DUSP22: variants seen among roughly 807,000 people sequenced by gnomAD.
DUSP22 encodes the protein dual specificity phosphatase 22.
In DUSP22, 24 loss-of-function variants were observed where a neutral mutation model predicts 24.5. That is an observed-to-expected ratio of 0.98 (90% confidence interval 0.71 to 1.38). The LOEUF (loss-of-function observed/expected upper bound fraction) is 1.38. Ranked by LOEUF, DUSP22 falls within the 40% of genes most tolerant of loss-of-function variation. The pLI, the probability that DUSP22 is intolerant of heterozygous loss-of-function variation, is 0.00. For missense variants in DUSP22, 330 were observed against 269.2 expected (o/e 1.23, Z -1.58); for synonymous variants, 160 against 106.4 (o/e 1.50, Z -3.10).
intron 4 of DUSP22, among the ~76,000 whole-genome samples, chr6:341,522 C>T (rs560770032): frequency 2.4e-4 from 37 of 152,416 alleles, no homozygotes; most frequent in African/African-American, 8.9e-4. Context: ...TCGCCTGCCT[C>T]TGGGCTTTTC....
chr6:321,605 G>A (rs560389356), intron 3 of DUSP22, among the ~76,000 whole-genome samples: 42 of 152,374 alleles, frequency 2.8e-4, no homozygotes, highest in Middle Eastern at 6.8e-3. Context: ...AATGAAAGAA[G>A]GGGAAAGATT....
At position 349,704 on chromosome 6, in the gene DUSP22, T is replaced by C. The variant is rs1760092236; in HGVS notation, c.*753T>C. On this transcript the variant is annotated 3_prime_UTR_variant, in exon 7 of 7. Transcript: ENST00000419235. ...CAGCATTTAAGGGAAGTATCTTAGATTGCCTCCATCTCAATGTGAATGCAC... is the reference window on the plus strand; with the variant it reads ...CAGCATTTAAGGGAAGTATCTTAGACTGCCTCCATCTCAATGTGAATGCAC... 2.0e-6 allele frequency: 2 copies of C among 985,946 alleles called. No individual in the cohort carries two copies. The highest frequency in any genetic ancestry group is 1.7e-5 in the African/African-American group (1 of 57,280). The allele number at this position is 985,946 out of a possible 1,614,324, so 61.1% of individuals were successfully genotyped here.
At chr6:341,273 T>C (rs1759595151) in intron 4 of DUSP22, among the ~76,000 whole-genome samples, 1 of 152,308 alleles carries the variant, frequency 6.6e-6, no homozygotes. Flanking sequence ...AAAGGTGAAC[T>C]GCCGATGAAA....
intron 3 of DUSP22, among the ~76,000 whole-genome samples, chr6:320,828 G>C (rs1758552701): frequency 6.6e-6 from 1 of 152,414 alleles, no homozygotes; most frequent in Admixed American, 6.5e-5. Flanking sequence ...GGTGAGGGTG[G>C]TGCTGTCTTC....
At chr6:300,796 G>C (rs1315178349) in intron 1 of DUSP22, among the ~76,000 whole-genome samples, 2 of 152,310 alleles carry the variant, frequency 1.3e-5, no homozygotes, top group African/African-American at 4.8e-5. Context: ...CAGGGTCCTT[G>C]GCTGTAAGCA....
intron 4 of DUSP22, among the ~76,000 whole-genome samples, chr6:344,941 C>G (rs1340205410): frequency 6.6e-6 from 1 of 152,304 alleles, no homozygotes; most frequent in Non-Finnish European, 1.5e-5. Context: ...GTGAGGGTTC[C>G]TGCTGTGCTG....
intron 2 of DUSP22, among the ~76,000 whole-genome samples, chr6:308,278 C>T (rs2127395437): frequency 6.6e-6 from 1 of 152,422 alleles, no homozygotes; most frequent in East Asian, 1.9e-4. Flanking sequence ...TGTCTGTGCA[C>T]ATTAGGAAAC....
chr6:316,220 A>T (rs1423481290), intron 3 of DUSP22, among the ~76,000 whole-genome samples: 3 of 152,302 alleles, frequency 2.0e-5, no homozygotes, highest in Non-Finnish European at 4.4e-5. Flanking sequence ...GGCTGGAACC[A>T]AGGCCTTCTC....
Position 350,524 on chromosome 6 carries a change from G to A in DUSP22, c.*1573G>A. 7.5e-7 allele frequency: 1 copy of A among 1,325,648 alleles called. No homozygotes were observed. The highest frequency in any genetic ancestry group is 2.9e-4 in the Middle Eastern group (1 of 3,438). 82.1% of individuals were successfully genotyped at this position (1,325,648 alleles called of 1,614,324 possible). A position where few individuals can be genotyped will look rare whatever the true frequency, so the allele number is the denominator to read the frequency against. ...CATATAGAGGGTGTGTCAAAGGTGAGCTTTTTGGGGACCGGGAAAAACAAA... is the reference window on the plus strand; with the variant it reads ...CATATAGAGGGTGTGTCAAAGGTGAACTTTTTGGGGACCGGGAAAAACAAA... On this transcript the variant is annotated 3_prime_UTR_variant, in exon 7 of 7. Transcript: ENST00000419235.
intron 4 of DUSP22, among the ~76,000 whole-genome samples, chr6:343,514 T>C (rs1332573792): frequency 6.6e-6 from 1 of 152,294 alleles, no homozygotes; most frequent in Non-Finnish European, 1.5e-5. Context: ...TCTGTTCTTA[T>C]TTACATCTGG....
rs756999142 is a variant in DUSP22 at position 348,127 on chromosome 6, G to C, written c.288G>C (p.Val96=). The C allele has an allele frequency of 1.2e-6, 2 of 1,614,272 alleles. No homozygotes were observed. The highest frequency in any genetic ancestry group is 1.7e-6 in the Non-Finnish European group (2 of 1,180,058). Residue 96 remains valine (V), a synonymous_variant, in exon 6 of 7, where the codon GTG becomes GTC. Coordinates refer to ENST00000419235, the MANE Select transcript of DUSP22 (RefSeq NM_001286555.3). ...GCCTGGCCGGGGTCTCCAGGAGCGT[G>C]ACACTGGTGATCGCATACATCATGA... ...VHCLAGVSRS[V]TLVIAYIMTV...
intron 1 of DUSP22, among the ~76,000 whole-genome samples, chr6:303,365 T>C (rs1319139827): frequency 6.6e-6 from 1 of 152,426 alleles, no homozygotes; most frequent in Non-Finnish European, 1.5e-5. Context: ...TGGCTGGTTG[T>C]CCCTCTGCAC....
intron 5 of DUSP22, 93 bp downstream of exon 5, chr6:346,021 C>A (rs1370540831): frequency 1.3e-6 from 2 of 1,496,840 alleles, no homozygotes; most frequent in East Asian, 2.3e-5. Context: ...AATGGTTTCA[C>A]CTCCTAATAG....
Position 349,811 on chromosome 6 carries a change from C to G in DUSP22, c.*860C>G. 6 of 985,930 alleles carry G rather than the reference C, an allele frequency of 6.1e-6. No individual in the cohort carries two copies. The highest frequency in any genetic ancestry group is 7.2e-6 in the Non-Finnish European group (6 of 830,238). 61.1% of individuals were successfully genotyped at this position (985,930 alleles called of 1,614,324 possible). ...CTGAGTTCTACTTGGTGTTTGTTCT[C>G]TGGAGCTGATTGCACTTGAGCTCTG... On this transcript the variant is annotated 3_prime_UTR_variant, in exon 7 of 7. Coordinates refer to ENST00000419235, the MANE Select transcript of DUSP22 (RefSeq NM_001286555.3).
chr6:344,486 C>T (rs574084544), intron 4 of DUSP22, among the ~76,000 whole-genome samples: 52 of 152,396 alleles, frequency 3.4e-4, no homozygotes, highest in Admixed American at 7.2e-4. Flanking sequence ...AGATGAGTTT[C>T]GACATTTTGC....
At chr6:306,551 G>A (rs1581150516) in intron 2 of DUSP22, among the ~76,000 whole-genome samples, 2 of 152,092 alleles carry the variant, frequency 1.3e-5, no homozygotes, top group East Asian at 3.8e-4. Flanking sequence ...ATTACCTTAA[G>A]TTATTCTGAT....
chr6:328,484 C>G (rs1488204784), intron 3 of DUSP22, among the ~76,000 whole-genome samples: 3 of 152,304 alleles, frequency 2.0e-5, no homozygotes, highest in African/African-American at 7.2e-5. Context: ...TTTGACTAAC[C>G]TGAAAGAAGT....
At chr6:307,196 G>A (rs1327243275) in intron 2 of DUSP22, among the ~76,000 whole-genome samples, 1 of 152,302 alleles carries the variant, frequency 6.6e-6, no homozygotes, top group African/African-American at 2.4e-5. Flanking sequence ...CGAGTAATAT[G>A]TGCCTCTTGT....
intron 1 of DUSP22, among the ~76,000 whole-genome samples, chr6:295,668 C>T (rs911783649): frequency 2.0e-5 from 3 of 152,110 alleles, no homozygotes; most frequent in Admixed American, 6.6e-5. Context: ...TGTGTGGTGG[C>T]TTGTGCCTGT....
Sources: allele counts gnomAD v4.1 joint callset (sites outside exome capture counted in the v4.1 genomes callset), GRCh38; gene constraint gnomAD v4.1.1; transcripts MANE v1.5; gene names NCBI Gene and HGNC (gene_info 2026-07-23, HGNC 2026-07-21).